CACNA2D3: variants seen among roughly 807,000 people sequenced by gnomAD.
CACNA2D3 encodes the protein calcium voltage-gated channel auxiliary subunit alpha2delta 3, also known as voltage-dependent calcium channel subunit alpha-2/delta-3.
In CACNA2D3, 60 loss-of-function variants were observed where a neutral mutation model predicts 160.6. That is an observed-to-expected ratio of 0.37 (90% confidence interval 0.30 to 0.46). The LOEUF (loss-of-function observed/expected upper bound fraction) is 0.46, where lower values mean the gene tolerates loss of function less well. CACNA2D3 is among the 20% of genes least tolerant of loss of function. The pLI is 1.00. For synonymous variants in CACNA2D3, 558 were observed against 492.9 expected, an observed-to-expected ratio of 1.13 and a Z score of -1.75; for missense variants, 1,205 against 1,365.0, an observed-to-expected ratio of 0.88 and a Z score of 1.85.
At chr3:54,952,441 A>G (rs554890985) in intron 27 of CACNA2D3, among the ~76,000 whole-genome samples, 3 of 152,322 alleles carry the variant, frequency 2.0e-5, no homozygotes, top group African/African-American at 4.8e-5. Flanking sequence ...TTGGGCTCTC[A>G]GAGACAGATC....
chr3:54,578,657 T>G (rs1361670541), intron 8 of CACNA2D3, among the ~76,000 whole-genome samples: 4 of 152,202 alleles, frequency 2.6e-5, no homozygotes, highest in Non-Finnish European at 5.9e-5. Context: ...TCAAGGGAAA[T>G]TAGTCAACTG....
intron 21 of CACNA2D3, among the ~76,000 whole-genome samples, chr3:54,884,992 G>T (rs1020527418): frequency 6.6e-6 from 1 of 152,038 alleles, no homozygotes; most frequent in Non-Finnish European, 1.5e-5. Context: ...TTCTCCCTCC[G>T]GACTCATTTG....
At chr3:54,157,774 A>G (rs1410250591) in intron 2 of CACNA2D3, among the ~76,000 whole-genome samples, 1 of 151,886 alleles carries the variant, frequency 6.6e-6, no homozygotes, top group Non-Finnish European at 1.5e-5. Context: ...CTGGGCAACA[A>G]GAGTGAAAAC....
At chr3:54,445,836 C>G (rs538321634) in intron 4 of CACNA2D3, among the ~76,000 whole-genome samples, 1 of 152,260 alleles carries the variant, frequency 6.6e-6, no homozygotes, top group East Asian at 1.9e-4. Flanking sequence ...TCCAGCCACT[C>G]CCTTGTTCTA....
At chr3:54,226,568 G>A (rs1159399391) in intron 2 of CACNA2D3, among the ~76,000 whole-genome samples, 4 of 152,078 alleles carry the variant, frequency 2.6e-5, no homozygotes, top group Non-Finnish European at 4.4e-5. Context: ...CTCCCAAAGT[G>A]TTGGGATTAC....
chr3:54,430,141 T>C (rs889191010), intron 4 of CACNA2D3, among the ~76,000 whole-genome samples: 2 of 152,240 alleles, frequency 1.3e-5, no homozygotes, highest in Admixed American at 6.5e-5. Flanking sequence ...ACTTTCTATG[T>C]AAATTGTGGG....
intron 4 of CACNA2D3, among the ~76,000 whole-genome samples, chr3:54,414,248 A>T (rs191650539): frequency 2.0e-5 from 3 of 152,198 alleles, no homozygotes; most frequent in Non-Finnish European, 4.4e-5. Flanking sequence ...CATCTTCTAG[A>T]TAAATGAAAG....
chr3:54,343,371 A>G (rs987890962), intron 3 of CACNA2D3, among the ~76,000 whole-genome samples: 3 of 152,072 alleles, frequency 2.0e-5, no homozygotes, highest in Admixed American at 2.0e-4. Flanking sequence ...AGCCCACTGC[A>G]GCCTCGACCT....
intron 5 of CACNA2D3, among the ~76,000 whole-genome samples, chr3:54,509,703 G>A (rs1701429958): frequency 6.6e-6 from 1 of 152,058 alleles, no homozygotes; most frequent in Non-Finnish European, 1.5e-5. Flanking sequence ...TAGGACTAAG[G>A]CATTTGGTAA....
At chr3:54,465,359 A>G (rs1700602585) in intron 4 of CACNA2D3, among the ~76,000 whole-genome samples, 1 of 152,132 alleles carries the variant, frequency 6.6e-6, no homozygotes, top group African/African-American at 2.4e-5. Context: ...GCACATTCAC[A>G]TTACTTTATT....
chr3:54,369,685 T>A (rs1470934399), intron 3 of CACNA2D3, among the ~76,000 whole-genome samples: 1 of 152,216 alleles, frequency 6.6e-6, no homozygotes, highest in Non-Finnish European at 1.5e-5. Context: ...ACCTGGGACA[T>A]CTGCCTTTTT....
chr3:54,893,121 CA>C (rs1426357618), intron 25 of CACNA2D3, among the ~76,000 whole-genome samples: 2 of 152,168 alleles, frequency 1.3e-5, no homozygotes, highest in South Asian at 2.1e-4. Flanking sequence ...ACTAAAAATA[CA>C]AAAATTAGCC....
At chr3:54,260,576 A>G (rs985710474) in intron 2 of CACNA2D3, among the ~76,000 whole-genome samples, 1 of 152,190 alleles carries the variant, frequency 6.6e-6, no homozygotes, top group Non-Finnish European at 1.5e-5. Context: ...ACCTCCAAAT[A>G]CCAGCAACAT....
intron 11 of CACNA2D3, among the ~76,000 whole-genome samples, chr3:54,660,904 T>G (rs1699957893): frequency 6.6e-6 from 1 of 152,152 alleles, no homozygotes; most frequent in African/African-American, 2.4e-5. Flanking sequence ...TGCTCACTCC[T>G]CGGGGATTCC....
At chr3:54,416,491 A>G (rs1414935745) in intron 4 of CACNA2D3, among the ~76,000 whole-genome samples, 25 of 152,214 alleles carry the variant, frequency 1.6e-4, no homozygotes, top group Non-Finnish European at 1.5e-5. Flanking sequence ...ACACAGTTAA[A>G]AGCCACAGGT....
At chr3:54,345,690 T>C (rs1698443928) in intron 3 of CACNA2D3, among the ~76,000 whole-genome samples, 1 of 151,958 alleles carries the variant, frequency 6.6e-6, no homozygotes, top group Admixed American at 6.6e-5. Flanking sequence ...CTTAATGGAG[T>C]GTCTAGCGAC....
rs1160008614 is a variant in CACNA2D3, at chr3:54,681,275, A to G, written c.1167+39034A>G. ...AGTGAGACCAGGCACGGTGGCTCAC[A>G]CCTGTAATCCCAGCACTTTGGGAGG... On this transcript the variant is annotated intron_variant, in intron 11 of 37. Transcript: ENST00000474759. Among the ~76,000 whole-genome samples the G allele has an allele frequency of 4.7e-5, 7 of 150,116 alleles. No homozygotes were observed. In the East Asian group the frequency reaches 1.2e-3, roughly 26 times the overall value.
chr3:54,828,016 C>T (rs1352834759), intron 14 of CACNA2D3, among the ~76,000 whole-genome samples: 1 of 152,112 alleles, frequency 6.6e-6, no homozygotes, highest in Non-Finnish European at 1.5e-5. Flanking sequence ...TAGATGGTAT[C>T]TTTGGTTGTA....
At chr3:54,490,109 T>C (rs1701084370) in intron 4 of CACNA2D3, among the ~76,000 whole-genome samples, 1 of 152,068 alleles carries the variant, frequency 6.6e-6, no homozygotes, top group Admixed American at 6.5e-5. Flanking sequence ...ATCTAAGTTG[T>C]AAAAAGCTGG....
Sources: allele counts gnomAD v4.1 joint callset (sites outside exome capture counted in the v4.1 genomes callset), GRCh38; gene constraint gnomAD v4.1.1; transcripts MANE v1.5; gene names NCBI Gene and HGNC (gene_info 2026-07-23, HGNC 2026-07-21).